The following SEMA3D variants were observed in gnomAD, a reference collection of about 807,000 sequenced individuals.
The protein encoded by SEMA3D is semaphorin-3D.
SEMA3D carries 84 observed loss-of-function variants against 100.1 expected under a neutral mutation model. That is an observed-to-expected ratio of 0.84 (90% CI 0.70 to 1.01). The LOEUF (loss-of-function observed/expected upper bound fraction) is 1.01. Ranked by LOEUF, SEMA3D falls within the 50% of genes least tolerant of loss-of-function variation. SEMA3D has a pLI of 0.00. For missense variants in SEMA3D, 875 were observed against 934.1 expected (o/e 0.94, Z 0.82); for synonymous variants, 312 against 320.7 (o/e 0.97, Z 0.29).
intron 16 of SEMA3D, among the ~76,000 whole-genome samples, chr7:85,013,955 G>A (rs751638775): frequency 3.3e-5 from 5 of 151,724 alleles, no homozygotes. Context: ...AGACTATAAT[G>A]AGCAAGTTCT....
At chr7:85,234,712 A>G in the SEMA3D span, among the ~76,000 whole-genome samples, 4 of 151,072 alleles carry the variant, frequency 2.6e-5, no homozygotes, top group Non-Finnish European at 5.9e-5. Context: ...AATAATGATA[A>G]AAGAAAATAA....
the SEMA3D span, among the ~76,000 whole-genome samples, chr7:85,199,725 G>A: frequency 6.6e-6 from 1 of 151,804 alleles, no homozygotes; most frequent in Non-Finnish European, 1.5e-5. Flanking sequence ...CTTTTTTCTT[G>A]TTGATACTGT....
At chr7:85,066,913 C>CACACACACACACAG in intron 7 of SEMA3D, among the ~76,000 whole-genome samples, 10 of 127,822 alleles carry the variant, frequency 7.8e-5, no homozygotes, top group African/African-American at 3.1e-4. Context: ...CACACACACA[C>CACACACACACACAG]AGAGAGAGAG....
intron 18 of SEMA3D, 139 bp downstream of exon 18, chr7:85,006,663 C>T: frequency 3.4e-6 from 2 of 579,886 alleles, no homozygotes; most frequent in Non-Finnish European, 5.6e-6. Context: ...CTATTGTTAC[C>T]TTTGGTGTTA....
intron 3 of SEMA3D, among the ~76,000 whole-genome samples, chr7:85,103,352 C>T (rs1477743213): frequency 6.6e-6 from 1 of 151,944 alleles, no homozygotes; most frequent in Non-Finnish European, 1.5e-5. Flanking sequence ...CACTTCAGAG[C>T]TTTTTAAAAA....
At chr7:85,241,051 A>G in the SEMA3D span, among the ~76,000 whole-genome samples, 1,476 of 152,288 alleles carry the variant, frequency 9.7e-3, 13 homozygotes, top group Non-Finnish European at 0.015. Flanking sequence ...AATGGCCAAC[A>G]GACATATGAA....
intron 1 of SEMA3D, among the ~76,000 whole-genome samples, chr7:85,182,747 T>G (rs890310680): frequency 6.6e-6 from 1 of 152,186 alleles, no homozygotes; most frequent in African/African-American, 2.4e-5. Flanking sequence ...AAATCATCAT[T>G]ATTATTATTG....
chr7:85,067,932 A>G (rs1012219890), intron 7 of SEMA3D, among the ~76,000 whole-genome samples: 1 of 152,172 alleles, frequency 6.6e-6, no homozygotes, highest in Admixed American at 6.5e-5. Context: ...ACAAGTAATT[A>G]TCTGTTCTTT....
At chr7:85,244,713 T>C in the SEMA3D span, among the ~76,000 whole-genome samples, 2 of 146,006 alleles carry the variant, frequency 1.4e-5, no homozygotes, top group African/African-American at 5.2e-5. Context: ...ACAATCTTTT[T>C]TTTTTTTTTT....
At chr7:85,184,060 T>C (rs1791472674) in intron 1 of SEMA3D, among the ~76,000 whole-genome samples, 1 of 152,174 alleles carries the variant, frequency 6.6e-6, no homozygotes, top group African/African-American at 2.4e-5. Flanking sequence ...TAGGTATGAA[T>C]AGATCATTAA....
upstream of SEMA3D, among the ~76,000 whole-genome samples, chr7:85,188,209 A>G (rs1791615269): frequency 6.6e-6 from 1 of 152,196 alleles, no homozygotes; most frequent in Admixed American, 6.5e-5. Flanking sequence ...TAAAGGAGTC[A>G]TTTTAAGTTA....
chr7:85,062,127 C>T (rs16887818), intron 8 of SEMA3D, among the ~76,000 whole-genome samples: 1 of 152,048 alleles, frequency 6.6e-6, no homozygotes, highest in Non-Finnish European at 1.5e-5. Flanking sequence ...TACACATATT[C>T]GAGCTTCAAT....
intron 12 of SEMA3D, among the ~76,000 whole-genome samples, chr7:85,027,304 GA>G (rs1175569489): frequency 6.6e-6 from 1 of 151,616 alleles, no homozygotes; most frequent in Non-Finnish European, 1.5e-5. Context: ...ATGACTGTCA[GA>G]CACATCTACA....
chr7:85,112,209 C>A (rs1164651487), intron 3 of SEMA3D, among the ~76,000 whole-genome samples: 1 of 152,148 alleles, frequency 6.6e-6, no homozygotes, highest in African/African-American at 2.4e-5. Flanking sequence ...ACTTGAGACA[C>A]ATGCTTAATT....
chr7:85,001,630 A>G (rs1584515566), intron 18 of SEMA3D, among the ~76,000 whole-genome samples: 1 of 151,978 alleles, frequency 6.6e-6, no homozygotes, highest in East Asian at 1.9e-4. Flanking sequence ...TCTGGTCTCT[A>G]CTCTGTTTCC....
In SEMA3D at chr7:85,022,415, A is replaced by G; in HGVS notation, c.1390T>C (p.Tyr464His). ...CCTGTTCCAAGAAACATTACATCGT[A>G]CTGGCCATCTTCTGCAATGACATGA... ...VDHVIAEDGQ[Y>H]DVMFLGTDIG... Residue 464 changes from tyrosine (Y) to histidine (H), a missense_variant, in exon 13 of 19, where the codon TAC becomes CAC. Coordinates refer to ENST00000284136, the MANE Select transcript of SEMA3D (RefSeq NM_001384900.1). 6.2e-7 allele frequency: 1 copy of G among 1,611,718 alleles called. No homozygotes were observed. The highest frequency in any genetic ancestry group is 8.5e-7 in the Non-Finnish European group (1 of 1,178,250).
At chr7:85,183,139 A>G (rs1189262338) in intron 1 of SEMA3D, among the ~76,000 whole-genome samples, 1 of 152,204 alleles carries the variant, frequency 6.6e-6, no homozygotes, top group Non-Finnish European at 1.5e-5. Flanking sequence ...TTACACAGGC[A>G]TAATAAAAAT....
intron 1 of SEMA3D, among the ~76,000 whole-genome samples, chr7:85,169,271 T>A (rs959624386): frequency 6.6e-6 from 1 of 151,936 alleles, no homozygotes; most frequent in East Asian, 1.9e-4. Context: ...AAACAAGTTT[T>A]AACAAAATGC....
intron 4 of SEMA3D, among the ~76,000 whole-genome samples, chr7:85,083,134 G>T (rs1254677677): frequency 6.6e-6 from 1 of 152,104 alleles, no homozygotes; most frequent in Middle Eastern, 3.2e-3. Flanking sequence ...AAAGTTAAAA[G>T]CAACTAAAAT....
Sources: allele counts gnomAD v4.1 joint callset (sites outside exome capture counted in the v4.1 genomes callset), GRCh38; gene constraint gnomAD v4.1.1; transcripts MANE v1.5; gene names NCBI Gene and HGNC (gene_info 2026-07-23, HGNC 2026-07-21).